Variants in ZNHIT3 observed in about 807,000 individuals in gnomAD.
ZNHIT3 encodes the protein zinc finger HIT domain-containing protein 3.
Under a neutral mutation model 19.9 loss-of-function variants are expected in ZNHIT3, and 27 were observed. The observed-to-expected ratio is 1.36, with a 90% CI of 1.00 to 1.87. ZNHIT3 has a LOEUF of 1.87. Among genes scored for constraint, ZNHIT3 ranks in the 40% most tolerant of loss-of-function variants. ZNHIT3 has a pLI of 0.00. For missense variants in ZNHIT3, 215 were observed against 185.6 expected (o/e 1.16, Z -0.92); for synonymous variants, 81 against 65.7 (o/e 1.23, Z -1.13).
chr17:36,486,726 C>T lies in ZNHIT3; in HGVS notation c.27C>T (p.Val9=), dbSNP rs149756417. The change falls in exon 1 of 5, where the codon GTC becomes GTT. Residue 9 remains valine (V), a synonymous_variant. Transcript: ENST00000617429. ...TGGCGTCGCTCAAATGTAGCACCGT[C>T]GTCTGCGTGATCTGCTTGGAGAAGC... MASLKCST[V]VCVICLEKPK... 94 of 1,613,916 alleles carry T rather than the reference C, an allele frequency of 5.8e-5. No homozygotes were observed. The African/African-American group carries it at 1.1e-3, about 18-fold the overall frequency.
chr17:36,493,958 A>G lies in ZNHIT3; in HGVS notation c.238A>G (p.Ser80Gly). 6.2e-7 allele frequency: 1 copy of G among 1,613,774 alleles called. No homozygotes were observed. Among genetic ancestry groups the G allele is most frequent in the Non-Finnish European group, 8.5e-7 (1 of 1,179,730 alleles). The change falls in exon 4 of 5, where the codon AGT (serine) becomes GGT (glycine). Residue 80 changes from serine (S) to glycine (G), a missense_variant. Physicochemically the swap from Ser to Gly is moderately conservative, Grantham distance 56 (BLOSUM62 0). Coordinates refer to ENST00000617429, the MANE Select transcript of ZNHIT3 (RefSeq NM_004773.4). ...TGACTCTATAGCTGATTTTCTCAATAGTGATGAGGAAGAAGACAGAGTTTC... is the reference window on the plus strand; with the variant it reads ...TGACTCTATAGCTGATTTTCTCAATGGTGATGAGGAAGAAGACAGAGTTTC... Reference protein sequence around the residue: ...DDDSIADFLNSDEEEDRVSLQ... With the variant: ...DDDSIADFLNGDEEEDRVSLQ...
In ZNHIT3 at chr17:36,486,720, C is replaced by T. The variant is rs112194209; in HGVS notation, c.21C>T (p.Ser7=). The change falls in exon 1 of 5, where the codon AGC becomes AGT. Residue 7 remains serine (S), a synonymous_variant. Transcript: ENST00000617429. MASLKC[S]TVVCVICLEK... ...AAACCATGGCGTCGCTCAAATGTAGCACCGTCGTCTGCGTGATCTGCTTGG... is the reference window on the plus strand; with the variant it reads ...AAACCATGGCGTCGCTCAAATGTAGTACCGTCGTCTGCGTGATCTGCTTGG... 3,223 of 1,613,928 alleles carry T rather than the reference C, an allele frequency of 2.0e-3. 51 individuals are homozygous for T. The African/African-American group carries it at 0.035, about 17-fold the overall frequency.
In ZNHIT3 at chr17:36,495,785, G is replaced by A; in HGVS notation, c.*381G>A. The A allele has an allele frequency of 8.1e-7, 1 of 1,238,954 alleles. No individual in the cohort carries two copies. Among genetic ancestry groups the A allele is most frequent in the Non-Finnish European group, 1.0e-6 (1 of 991,632 alleles). The allele number at this position is 1,238,954 out of a possible 1,614,324, so 76.7% of individuals were successfully genotyped here. ...TGCATTATTCATAATTTAATTGTTT[G>A]AAATTACATTAAATAAATCAACTAA... On this transcript the variant is annotated 3_prime_UTR_variant, in exon 5 of 5. Transcript: ENST00000617429.
Sources: allele counts gnomAD v4.1 joint callset, GRCh38; gene constraint gnomAD v4.1.1; transcripts MANE v1.5; gene names NCBI Gene and HGNC (gene_info 2026-07-23, HGNC 2026-07-21).